Variants in FLI1 observed in about 807,000 individuals in gnomAD.
FLI1 encodes the protein Fli-1 proto-oncogene, ETS transcription factor, also known as Friend leukemia integration 1 transcription factor.
A neutral mutation model predicts 53.1 loss-of-function variants in FLI1; 13 were observed. The ratio of observed to expected loss-of-function variants is 0.24; its 90% CI spans 0.16 to 0.39. The LOEUF (loss-of-function observed/expected upper bound fraction) is 0.39. FLI1 is among the 10% of genes least tolerant of loss of function. FLI1 has a pLI of 1.00. For missense variants in FLI1, 424 were observed against 600.5 expected, an observed-to-expected ratio of 0.71 and a Z score of 3.07; for synonymous variants, 244 against 236.7, an observed-to-expected ratio of 1.03 and a Z score of -0.28.
chr11:128,714,285 T>A (rs1056086494), intron 1 of FLI1, among the ~76,000 whole-genome samples: 8 of 151,498 alleles, frequency 5.3e-5, no homozygotes, highest in African/African-American at 1.9e-4. Flanking sequence ...CGACATAAAC[T>A]GCTATCCTGA....
At chr11:128,685,155 G>T (rs1214400350), upstream of FLI1, among the ~76,000 whole-genome samples, 3 of 152,256 alleles carry the variant, frequency 2.0e-5, no homozygotes, top group African/African-American at 7.2e-5. Flanking sequence ...CTCCTGCACA[G>T]CGGCTCCTGC....
At chr11:128,778,054 G>T (rs561274495) in intron 4 of FLI1, among the ~76,000 whole-genome samples, 2 of 152,168 alleles carry the variant, frequency 1.3e-5, no homozygotes, top group South Asian at 4.1e-4. Context: ...CTTTGGGAAG[G>T]CCATTCTATT....
chr11:128,737,016 C>A (rs771746307), intron 1 of FLI1, among the ~76,000 whole-genome samples: 1 of 152,138 alleles, frequency 6.6e-6, no homozygotes, highest in Non-Finnish European at 1.5e-5. Flanking sequence ...CAAACATTTT[C>A]AAAAAGATGT....
intron 5 of FLI1, among the ~76,000 whole-genome samples, chr11:128,786,815 A>G (rs1942099574): frequency 1.3e-5 from 2 of 152,186 alleles, no homozygotes; most frequent in African/African-American, 4.8e-5. Context: ...ATCTGTTTAA[A>G]TACCTCTGAC....
At chr11:128,759,822 G>A (rs764093128) in intron 2 of FLI1, among the ~76,000 whole-genome samples, 16 of 152,296 alleles carry the variant, frequency 1.1e-4, no homozygotes, top group East Asian at 3.9e-4. Flanking sequence ...TGGAATTTAC[G>A]TTTGGGCATC....
intron 7 of FLI1, 28 bp downstream of exon 7, chr11:128,807,267 C>A: frequency 1.9e-6 from 3 of 1,541,802 alleles, no homozygotes; most frequent in Non-Finnish European, 2.7e-6. Context: ...GTAATCTCTC[C>A]TTTGCTTCCT....
chr11:128,706,949 C>A (rs1303176315), intron 1 of FLI1, among the ~76,000 whole-genome samples: 2 of 152,168 alleles, frequency 1.3e-5, no homozygotes, highest in African/African-American at 4.8e-5. Context: ...ATGATTTTTC[C>A]TAACCCAGTT....
At chr11:128,798,677 C>A (rs1432892011) in intron 5 of FLI1, among the ~76,000 whole-genome samples, 2 of 152,150 alleles carry the variant, frequency 1.3e-5, no homozygotes, top group African/African-American at 4.8e-5. Flanking sequence ...TTGGGGAAAG[C>A]GTTCCCTGGA....
rs1942205403 is a variant in FLI1, at chr11:128,789,631, G to A, written c.655+7608G>A. On this transcript the variant is annotated intron_variant, in intron 5 of 8. Transcript: ENST00000527786. ...TTGTCCCTCGCGATATGCACTGCCT[G>A]TGTCAGGCTGATGCGCTCCCGGGTG... Among the ~76,000 whole-genome samples, 4 of 152,352 alleles carry A rather than the reference G, an allele frequency of 2.6e-5. No homozygotes were observed. In the South Asian group the frequency reaches 8.3e-4, roughly 32 times the overall value.
At chr11:128,734,529 C>T (rs1472152418) in intron 1 of FLI1, among the ~76,000 whole-genome samples, 1 of 152,234 alleles carries the variant, frequency 6.6e-6, no homozygotes, top group Non-Finnish European at 1.5e-5. Context: ...TCAAAGATAA[C>T]TGCAGATCGA....
upstream of FLI1, chr11:128,693,788 T>C (rs145184517): frequency 5.0e-3 from 1,145 of 228,362 alleles, 16 homozygotes; most frequent in African/African-American, 0.024. Context: ...GTATCCTGTG[T>C]GCGCAGCGCA....
intron 1 of FLI1, among the ~76,000 whole-genome samples, chr11:128,720,489 A>G (rs1424812479): frequency 1.3e-5 from 2 of 152,190 alleles, no homozygotes; most frequent in Non-Finnish European, 2.9e-5. Context: ...TCATAAAACC[A>G]GAAACACTGG....
chr11:128,809,031 T>C, intron 7 of FLI1, 126 bp from the exon 8 acceptor site: 1 of 672,220 alleles, frequency 1.5e-6, no homozygotes, highest in Non-Finnish European at 2.5e-6. Context: ...GCAGTAAAGT[T>C]TTCTGAAATC....
chr11:128,783,067 T>C (rs921114709), intron 5 of FLI1, among the ~76,000 whole-genome samples: 1 of 152,200 alleles, frequency 6.6e-6, no homozygotes, highest in African/African-American at 2.4e-5. Flanking sequence ...AATAAGAGTG[T>C]GGCAGGCACT....
intron 1 of FLI1, among the ~76,000 whole-genome samples, chr11:128,728,624 A>G (rs1202952821): frequency 6.6e-6 from 1 of 152,226 alleles, no homozygotes; most frequent in Non-Finnish European, 1.5e-5. Flanking sequence ...TTGTGACCAG[A>G]GCCACTCCTG....
intron 1 of FLI1, among the ~76,000 whole-genome samples, chr11:128,718,372 G>GA (rs1939108786): frequency 6.6e-6 from 1 of 152,196 alleles, no homozygotes; most frequent in African/African-American, 2.4e-5. Context: ...TGCAACATGA[G>GA]AAACTTGCTT....
chr11:128,709,802 T>G (rs1938711257), intron 1 of FLI1, among the ~76,000 whole-genome samples: 1 of 152,214 alleles, frequency 6.6e-6, no homozygotes, highest in Admixed American at 6.5e-5. Flanking sequence ...TTCTATTATC[T>G]TCCCCATGTC....
upstream of FLI1, chr11:128,686,432 C>T (rs1375135044): frequency 2.0e-5 from 9 of 456,216 alleles, no homozygotes; most frequent in Admixed American, 2.1e-4. Flanking sequence ...GTCCCCTGGC[C>T]TGAAGCCCGG....
At chr11:128,772,546 T>G (rs1048617794) in intron 3 of FLI1, among the ~76,000 whole-genome samples, 8 of 152,212 alleles carry the variant, frequency 5.3e-5, no homozygotes, top group African/African-American at 1.9e-4. Context: ...TAAAGAGTGC[T>G]CTGTCAGGAT....
Sources: allele counts gnomAD v4.1 joint callset (sites outside exome capture counted in the v4.1 genomes callset), GRCh38; gene constraint gnomAD v4.1.1; transcripts MANE v1.5; gene names NCBI Gene and HGNC (gene_info 2026-07-23, HGNC 2026-07-21).